Variants in RADX observed in about 807,000 individuals in gnomAD.
RADX encodes the protein RPA1 related single stranded DNA binding protein, X-linked.
RADX carries 36 observed loss-of-function variants against 61.6 expected under a neutral mutation model. The ratio of observed to expected loss-of-function variants is 0.58; its 90% confidence interval spans 0.45 to 0.77. The LOEUF is 0.77. RADX is among the 30% of genes least tolerant of loss of function. The pLI is 0.00. For missense variants in RADX, 497 were observed against 651.1 expected (o/e 0.76, Z 2.58); for synonymous variants, 272 against 237.9 (o/e 1.14, Z -1.32).
chrX:106,664,135 A>G (rs905647283), intron 12 of RADX, among the ~76,000 whole-genome samples: 1 of 111,731 alleles, frequency 9.0e-6, no homozygotes, highest in African/African-American at 3.2e-5. Flanking sequence ...GCGCAAAAGT[A>G]GGTATTACTA....
chrX:106,629,202 C>T (rs1392154863), intron 3 of RADX, among the ~76,000 whole-genome samples: 1 of 111,302 alleles, frequency 9.0e-6, no homozygotes, highest in South Asian at 3.8e-4. Context: ...CGGGCAGGGG[C>T]TATTTCTTTA....
In RADX at chrX:106,653,610, A is replaced by G. The variant is rs778894352; in HGVS notation, c.1978+5224A>G. Among the ~76,000 whole-genome samples, 4 of 109,695 alleles carry G rather than the reference A, an allele frequency of 3.6e-5. No homozygotes were observed. The South Asian group carries it at 1.6e-3, about 43-fold the overall frequency. ...GTGCAGGTTTGTTACATAGGTATAT[A>G]CGTGCCGTGATGGTTTGCTGCACCC... On this transcript the variant is annotated intron_variant, in intron 11 of 13. Transcript: ENST00000372548.
chrX:106,628,265 A>G (rs1927122883), intron 3 of RADX, among the ~76,000 whole-genome samples: 1 of 112,352 alleles, frequency 8.9e-6, no homozygotes, highest in East Asian at 2.8e-4. Context: ...GGTGACAGCT[A>G]TGTAAGATAA....
At chrX:106,657,989 G>A (rs1215142393) in intron 11 of RADX, among the ~76,000 whole-genome samples, 6 of 111,660 alleles carry the variant, frequency 5.4e-5, no homozygotes, top group African/African-American at 1.9e-4. Context: ...GCAAAAAAAT[G>A]CAATATCTGT....
intron 3 of RADX, among the ~76,000 whole-genome samples, chrX:106,627,813 A>G (rs1927107599): frequency 9.0e-6 from 1 of 111,593 alleles, no homozygotes; most frequent in African/African-American, 3.3e-5. Context: ...AAAGGTGACT[A>G]TCTTTTTTAT....
intron 10 of RADX, among the ~76,000 whole-genome samples, chrX:106,646,189 A>G (rs1279174274): frequency 9.0e-6 from 1 of 111,086 alleles, no homozygotes; most frequent in Non-Finnish European, 1.9e-5. Flanking sequence ...TTCAGTTTAC[A>G]TGTATCTTTA....
rs772012236 is a variant in RADX, at chrX:106,612,258, T to A, written c.178T>A (p.Cys60Ser). The change falls in exon 1 of 14, where the codon TGT becomes AGT. Residue 60 changes from cysteine (C) to serine (S), a missense_variant. Coordinates refer to ENST00000372548, the MANE Select transcript of RADX (RefSeq NM_018015.6). ...GCAGATTATGGACTCACCTCGCCAG[T>A]GTGTCACCCCCTCGGAGGTGGTGCC... ...LEQIMDSPRQCVTPSEVVPVT... is the reference protein window; with the variant it reads ...LEQIMDSPRQSVTPSEVVPVT... 1 of 1,211,391 alleles carries A rather than the reference T, an allele frequency of 8.3e-7. No individual in the cohort carries two copies. Among genetic ancestry groups the A allele is most frequent in the Admixed American group, 2.2e-5 (1 of 46,034 alleles).
intron 12 of RADX, among the ~76,000 whole-genome samples, chrX:106,668,896 A>G (rs1297668304): frequency 2.7e-5 from 3 of 112,378 alleles, no homozygotes; most frequent in Non-Finnish European, 3.8e-5. Context: ...TTTGGATAGT[A>G]AGATTCCAAT....
In RADX at chrX:106,648,320, G is replaced by C. The variant is rs1218789175; in HGVS notation, c.1912G>C (p.Val638Leu). 8.4e-7 allele frequency: 1 copy of C among 1,187,641 alleles called. No individual in the cohort carries two copies. The highest frequency in any genetic ancestry group is 1.1e-6 in the Non-Finnish European group (1 of 877,689). The change falls in exon 11 of 14, where the codon GTA becomes CTA. Residue 638 changes from valine (V) to leucine (L), a missense_variant. Val to Leu is a conservative substitution (Grantham distance 32, BLOSUM62 1). Around this residue, in one of 3 missense-constraint regions of RADX, gnomAD observed 267 missense variants for 306.9 expected, o/e 0.87. Coordinates refer to ENST00000372548, the MANE Select transcript of RADX (RefSeq NM_018015.6). ...TCTTCTTATCCTTTATAGAGTTGCT[G>C]TACCTCAACCAGGAGCTTCTGTACA... ...LQGPHANPVA[V>L]PQPGASVQTK...
chrX:106,632,100 A>C (rs1020930890), intron 3 of RADX, among the ~76,000 whole-genome samples: 14 of 111,937 alleles, frequency 1.3e-4, no homozygotes, highest in African/African-American at 2.9e-4. Flanking sequence ...ATTTTTAAAC[A>C]ACCCTATGTA....
At chrX:106,635,033 G>GA (rs762253418) in intron 6 of RADX, among the ~76,000 whole-genome samples, 1 of 111,845 alleles carries the variant, frequency 8.9e-6, no homozygotes, top group African/African-American at 3.2e-5. Context: ...AAAAGTGAAG[G>GA]AAAAAATCAT....
At chrX:106,630,380 A>G (rs1052184989) in intron 3 of RADX, among the ~76,000 whole-genome samples, 1 of 110,613 alleles carries the variant, frequency 9.0e-6, no homozygotes, top group Admixed American at 9.6e-5. Flanking sequence ...ATGGGTATTT[A>G]CAAAATCAAA....
chrX:106,633,355 G>A, intron 6 of RADX, 103 bp downstream of exon 6: 1 of 643,737 alleles, frequency 1.6e-6, no homozygotes, highest in Non-Finnish European at 2.3e-6. Flanking sequence ...CATTGAGTTG[G>A]CAATTCAAGC....
intron 1 of RADX, among the ~76,000 whole-genome samples, chrX:106,614,852 G>GT (rs1159049424): frequency 9.2e-6 from 1 of 108,691 alleles, no homozygotes; most frequent in East Asian, 2.9e-4. Context: ...CTTGTACACA[G>GT]TAAAAAAAAA....
At chrX:106,660,666 T>A (rs1928067043) in intron 11 of RADX, among the ~76,000 whole-genome samples, 1 of 112,225 alleles carries the variant, frequency 8.9e-6, no homozygotes, top group Non-Finnish European at 1.9e-5. Context: ...AATTTTTTTT[T>A]CTGATTTTAC....
intron 1 of RADX, among the ~76,000 whole-genome samples, chrX:106,615,237 T>A (rs1442749360): frequency 8.9e-6 from 1 of 112,046 alleles, no homozygotes; most frequent in South Asian, 3.7e-4. Flanking sequence ...TCACAACCAT[T>A]CACTTTTGCC....
chrX:106,674,551 C>A lies in RADX; in HGVS notation c.2438-3577C>A, dbSNP rs1047963071. On this transcript the variant is annotated intron_variant, in intron 13 of 13. Transcript: ENST00000372548. Reference sequence around the variant, plus strand: ...GTTTTGATTTGTTTTTCCCTGATTACAAATGATGTGTTAAGCATCTTTTCA... The same window carrying A: ...GTTTTGATTTGTTTTTCCCTGATTAAAAATGATGTGTTAAGCATCTTTTCA... 2.6e-4 allele frequency among the ~76,000 whole-genome samples: 29 copies of A among 111,776 alleles called. No homozygotes were observed. In the Admixed American group the frequency reaches 2.7e-3, roughly 10 times the overall value.
rs1928560849 is a variant in RADX at position 106,678,362 on chromosome X, C to T, written c.*104C>T. The T allele has an allele frequency of 1.7e-6, 1 of 572,908 alleles. No individual in the cohort carries two copies. Among genetic ancestry groups the T allele is most frequent in the Admixed American group, 3.1e-5 (1 of 31,905 alleles). 47.2% of individuals were successfully genotyped at this position (572,908 alleles called of 1,213,427 possible). On this transcript the variant is annotated 3_prime_UTR_variant, in exon 14 of 14. Coordinates refer to ENST00000372548, the MANE Select transcript of RADX (RefSeq NM_018015.6). ...GTAACTGTTTTCAGCAAGAATATTA[C>T]ATGAGCTCTAAAGTTATTAAGCAGT...
chrX:106,644,999 G>C (rs1463942397), intron 10 of RADX, among the ~76,000 whole-genome samples: 1 of 110,950 alleles, frequency 9.0e-6, no homozygotes, highest in Non-Finnish European at 1.9e-5. Context: ...ATCTTGGTAG[G>C]TTGTATGTAT....
Sources: gnomAD v4.1 joint callset for allele counts (sites outside exome capture counted in the v4.1 genomes callset) on GRCh38, gnomAD v4.1.1 for gene constraint, gnomAD v4.1.1 regional missense constraint, MANE v1.5 for transcripts, NCBI Gene and HGNC (gene_info 2026-07-23, HGNC 2026-07-21) for gene names.